The following FSCN2 variants were observed in gnomAD, a reference collection of about 807,000 sequenced individuals.
The protein encoded by FSCN2 is fascin-2.
FSCN2 carries 46 observed loss-of-function variants against 37.8 expected under a neutral mutation model. That is an observed-to-expected ratio of 1.22 (90% confidence interval 0.96 to 1.56). FSCN2 has a LOEUF of 1.56. Ranked by LOEUF, FSCN2 falls within the 40% of genes most tolerant of loss-of-function variation. The pLI is 0.00. For missense variants in FSCN2, 844 were observed against 730.4 expected (o/e 1.16, Z -1.79); for synonymous variants, 351 against 309.4 (o/e 1.13, Z -1.41).
chr17:81,519,536 A>G, the FSCN2 span, among the ~76,000 whole-genome samples: 1 of 152,092 alleles, frequency 6.6e-6, no homozygotes, highest in Non-Finnish European at 1.5e-5. Context: ...GGGTGCCGCT[A>G]TCGCCGCGAG....
rs2032905788 is a variant in FSCN2, at chr17:81,536,954, C to T, written c.1353C>T (p.Phe451=). Residue 451 remains phenylalanine (F), a synonymous_variant, in exon 5 of 5, where the codon TTC becomes TTT. Transcript: ENST00000417245. ...GCGAACGCGCCGAGGACTTCGTCTT[C>T]GAGTTCCGTGAGCGCGGCCGCCTGG... ...SDGERAEDFV[F]EFRERGRLAI... 3 of 1,562,234 alleles carry T rather than the reference C, an allele frequency of 1.9e-6. No homozygotes were observed. The East Asian group carries it at 7.4e-5, about 39-fold the overall frequency.
chr17:81,536,878 G>A lies in FSCN2; in HGVS notation c.1277G>A (p.Arg426His), dbSNP rs769242340. 94 of 1,569,510 alleles carry A rather than the reference G, an allele frequency of 6.0e-5. No homozygotes were observed. In the East Asian group the frequency reaches 2.1e-3, roughly 34 times the overall value. ...FSDGAYRIRG[R>H]DGGFWYTGSH... is the part of the protein sequence containing the mutation. ...CCGACGCCGTCCCGTCCCCCAGGCC[G>A]CGACGGAGGGTTCTGGTACACGGGC... is the stretch of plus-strand genomic sequence containing the variant. Residue 426 changes from arginine to histidine, a missense_variant, in exon 5 of 5, where the codon CGC (arginine) becomes CAC (histidine). By Grantham distance (29) the Arg-to-His change is conservative (BLOSUM62 0). Transcript: ENST00000417245.
At chr17:81,531,913 TG>T (rs1310008412) in intron 1 of FSCN2, among the ~76,000 whole-genome samples, 1 of 150,148 alleles carries the variant, frequency 6.7e-6, no homozygotes, top group East Asian at 2.0e-4. Flanking sequence ...GTGATGGTGA[TG>T]ATGGTGATGG....
intron 1 of FSCN2, among the ~76,000 whole-genome samples, chr17:81,533,019 G>C (rs138258901): frequency 6.6e-6 from 1 of 152,272 alleles, no homozygotes; most frequent in Non-Finnish European, 1.5e-5. Flanking sequence ...GGCCAGGGCT[G>C]TAGGGAGCGG....
chr17:81,535,199 C>T lies in FSCN2; in HGVS notation c.974C>T (p.Ala325Val), dbSNP rs1410180418. The T allele has an allele frequency of 2.6e-6, 4 of 1,531,146 alleles. No homozygotes were observed. In the Admixed American group the frequency reaches 7.9e-5, roughly 30 times the overall value. 94.8% of individuals were successfully genotyped at this position (1,531,146 alleles called of 1,614,324 possible). Residue 325 changes from alanine to valine, a missense_variant, in exon 2 of 5, where the codon GCC becomes GTC. By Grantham distance (64) the Ala-to-Val change is moderately conservative (BLOSUM62 0). Coordinates refer to ENST00000417245, the MANE Select transcript of FSCN2 (RefSeq NM_012418.4). ...ACCCATGGGGGCATTCACGCCACAG[C>T]CACACAAGTGTGAGTGCACACATCC... ...LVTHGGIHAT[A>V]TQVSANTMFE...
In FSCN2 at chr17:81,528,996, C is replaced by T. The variant is rs1457343846; in HGVS notation, c.465C>T (p.Cys155=). Residue 155 remains cysteine, a synonymous_variant, in exon 1 of 5, where the codon TGC becomes TGT. Transcript: ENST00000417245. ...GCCGGCGGCGCTACGTGCACCTGTG[C>T]CCGCGGGAGGACGAGATGGCCGCAG... ...SVSRRRYVHL[C]PREDEMAADG... The T allele has an allele frequency of 6.3e-7, 1 of 1,582,866 alleles. No individual in the cohort carries two copies. Among genetic ancestry groups the T allele is most frequent in the Non-Finnish European group, 8.6e-7 (1 of 1,169,394 alleles).
the FSCN2 span, among the ~76,000 whole-genome samples, chr17:81,515,483 G>A: frequency 6.6e-6 from 1 of 152,276 alleles, no homozygotes; most frequent in African/African-American, 2.4e-5. Flanking sequence ...TTCTAGTTCA[G>A]TGCTGGTTTT....
At chr17:81,516,627 C>T in the FSCN2 span, among the ~76,000 whole-genome samples, 1 of 152,230 alleles carries the variant, frequency 6.6e-6, no homozygotes, top group East Asian at 1.9e-4. Context: ...CTCGGCCTGG[C>T]TGCCTCTGAG....
Position 81,528,537 on chromosome 17 carries a change from G to T in FSCN2, c.6G>T (p.Pro2=). Residue 2 remains proline (P), a synonymous_variant, in exon 1 of 5, where the codon CCG becomes CCT. Transcript: ENST00000417245. The stretch of plus-strand genomic sequence containing the variant: ...GGGACCCGGCCAGCCTGAAGATGCC[G>T]ACGAACGGCCTGCACCAGGTGCTGA... M[P]TNGLHQVLKI... is the part of the protein sequence containing the mutation. 1 of 1,592,032 alleles carries T rather than the reference G, an allele frequency of 6.3e-7. No individual in the cohort carries two copies. The highest frequency in any genetic ancestry group is 8.6e-7 in the Non-Finnish European group (1 of 1,168,876).
intron 1 of FSCN2, among the ~76,000 whole-genome samples, chr17:81,531,642 G>GTGATGA (rs2032614682): frequency 8.6e-6 from 1 of 115,790 alleles, no homozygotes; most frequent in African/African-American, 3.4e-5. Flanking sequence ...GATGGTGGTG[G>GTGATGA]TGGTGATGAT....
rs183485967 is a variant in FSCN2 at position 81,536,640 on chromosome 17, C to G, written c.1124C>G (p.Thr375Ser). ...SDFVGKDEEF[T>S]LKLINRPILV... ...CCGCCAGGCAAGGACGAAGAGTTCA[C>G]CCTCAAGCTCATCAACCGGCCCATC... Residue 375 changes from threonine (T) to serine (S), a missense_variant, in exon 4 of 5, where the codon ACC (threonine) becomes AGC (serine). Coordinates refer to ENST00000417245, the MANE Select transcript of FSCN2 (RefSeq NM_012418.4). 924 of 1,610,492 alleles carry G rather than the reference C, an allele frequency of 5.7e-4. 1 individual carries two copies. In the African/African-American group the frequency reaches 0.01, roughly 18 times the overall value.
chr17:81,536,879 C>T lies in FSCN2; in HGVS notation c.1278C>T (p.Arg426=). ...FSDGAYRIRG[R]DGGFWYTGSH... ...CGACGCCGTCCCGTCCCCCAGGCCGCGACGGAGGGTTCTGGTACACGGGCA... is the reference window on the plus strand; with the variant it reads ...CGACGCCGTCCCGTCCCCCAGGCCGTGACGGAGGGTTCTGGTACACGGGCA... The change falls in exon 5 of 5, where the codon CGC becomes CGT. Residue 426 remains arginine (R), a synonymous_variant. Coordinates refer to ENST00000417245, the MANE Select transcript of FSCN2 (RefSeq NM_012418.4). 6.4e-7 allele frequency: 1 copy of T among 1,569,448 alleles called. No individual in the cohort carries two copies. The highest frequency in any genetic ancestry group is 8.6e-7 in the Non-Finnish European group (1 of 1,157,346).
intron 1 of FSCN2, among the ~76,000 whole-genome samples, chr17:81,531,408 ATGGTGGTGG>A (rs1568077332): frequency 2.9e-5 from 2 of 67,952 alleles, no homozygotes; most frequent in African/African-American, 1.2e-4. Flanking sequence ...GGTGATGGTG[ATGGTGGTGG>A]TGATAGTGAT....
chr17:81,534,697 G>A (rs1417255670), intron 1 of FSCN2, among the ~76,000 whole-genome samples: 1 of 152,022 alleles, frequency 6.6e-6, no homozygotes, highest in East Asian at 1.9e-4. Context: ...CTTAGGGTGA[G>A]TTATAAATAG....
At chr17:81,531,794 GATGATAA>G (rs2032636047) in intron 1 of FSCN2, among the ~76,000 whole-genome samples, 1 of 98,770 alleles carries the variant, frequency 1.0e-5, no homozygotes. Flanking sequence ...TGATGGTGAT[GATGATAA>G]TGGTGATGAT....
At position 81,529,069 on chromosome 17, in the gene FSCN2, C is replaced by G. The variant is rs200332556; in HGVS notation, c.538C>G (p.Arg180Gly). 3.1e-6 allele frequency: 5 copies of G among 1,590,380 alleles called. No homozygotes were observed. Among genetic ancestry groups the G allele is most frequent in the Middle Eastern group, 1.7e-4 (1 of 6,044 alleles). ...GGACGCCCTCCTCACCCTCATCTTC[C>G]GGAGCCGACGGTACTGCCTCAAGTC... ...GVDALLTLIF[R>G]SRRYCLKSCD... is the part of the protein sequence containing the mutation. Residue 180 changes from arginine (R) to glycine (G), a missense_variant, in exon 1 of 5, where the codon CGG (arginine) becomes GGG (glycine). Transcript: ENST00000417245.
In FSCN2 at chr17:81,532,140, ATGATGGTGATGG is replaced by A. The variant is rs538435061; in HGVS notation, c.826+2789_826+2800del. ...GATGATGGTGATGATAGTGATGGTG[ATGATGGTGATGG>A]TGATGATGATGGTGATGGTGGTGGT... On this transcript the variant is annotated intron_variant, in intron 1 of 4. Transcript: ENST00000417245. Among the ~76,000 whole-genome samples the A allele has an allele frequency of 2.3e-3, 258 of 114,254 alleles. 1 individual carries two copies. The highest frequency in any genetic ancestry group is 3.4e-3 in the Non-Finnish European group (186 of 54,270). The allele number at this position is 114,254 out of a possible 152,430, so 75.0% of individuals were successfully genotyped here. A position where few individuals can be genotyped will look rare whatever the true frequency, so the allele number is the denominator to read the frequency against.
chr17:81,536,711 T>G lies in FSCN2; in HGVS notation c.1195T>G (p.Ser399Ala), dbSNP rs1298943552. Residue 399 changes from serine (S) to alanine (A), a missense_variant, in exon 4 of 5, where the codon TCC becomes GCC. Physicochemically the swap from Ser to Ala is moderately conservative, Grantham distance 99. Coordinates refer to ENST00000417245, the MANE Select transcript of FSCN2 (RefSeq NM_012418.4). The part of the protein sequence containing the change: ...LDGFVCHHRG[S>A]NQLDTNRSVY... The stretch of plus-strand genomic sequence containing the variant: ...CGGCTTCGTCTGCCACCACCGCGGC[T>G]CCAACCAGCTGGACACCAACCGCTC... 6.2e-7 allele frequency: 1 copy of G among 1,611,280 alleles called. No individual in the cohort carries two copies. Among genetic ancestry groups the G allele is most frequent in the East Asian group, 2.2e-5 (1 of 44,868 alleles).
chr17:81,517,926 G>C, the FSCN2 span, among the ~76,000 whole-genome samples: 1 of 152,136 alleles, frequency 6.6e-6, no homozygotes, highest in East Asian at 1.9e-4. Context: ...GCTAAAGCCA[G>C]AAACCACCGT....
Sources: gnomAD v4.1 joint callset for allele counts (sites outside exome capture counted in the v4.1 genomes callset) on GRCh38, gnomAD v4.1.1 for gene constraint, MANE v1.5 for transcripts, NCBI Gene and HGNC (gene_info 2026-07-23, HGNC 2026-07-21) for gene names.